The following SV2C variants were observed in gnomAD, a reference collection of about 807,000 sequenced individuals.
The protein encoded by SV2C is solute carrier family 22 member B3.
A neutral mutation model predicts 79.7 loss-of-function variants in SV2C; 49 were observed. The ratio of observed to expected loss-of-function variants is 0.61; its 90% CI spans 0.49 to 0.78. The LOEUF (loss-of-function observed/expected upper bound fraction) is 0.78. Ranked by LOEUF, SV2C falls within the 30% of genes least tolerant of loss-of-function variation. The probability of loss-of-function intolerance (pLI) is 0.00; values close to 1 mark genes in which losing one functional copy is unlikely to be tolerated. For synonymous variants in SV2C, 334 were observed against 333.2 expected (o/e 1.00, Z -0.03); for missense variants, 833 against 912.9 (o/e 0.91, Z 1.13).
chr5:76,221,498 A>G (rs1337475140), intron 4 of SV2C, among the ~76,000 whole-genome samples: 7 of 152,200 alleles, frequency 4.6e-5, no homozygotes. Context: ...AGTAAATCAT[A>G]ATTACCCAAG....
At chr5:76,058,804 CTAAGT>C in the SV2C span, among the ~76,000 whole-genome samples, 10 of 152,020 alleles carry the variant, frequency 6.6e-5, no homozygotes, top group South Asian at 4.1e-4. Flanking sequence ...CTGCTGAATA[CTAAGT>C]TAAGTACATG....
chr5:76,062,869 C>G, the SV2C span, among the ~76,000 whole-genome samples: 1 of 152,150 alleles, frequency 6.6e-6, no homozygotes. Context: ...TACAGCAGTA[C>G]AGAGAATAAA....
chr5:76,342,872 GTC>G (rs200268563), intron 12 of SV2C, among the ~76,000 whole-genome samples: 1 of 148,680 alleles, frequency 6.7e-6, no homozygotes, highest in Non-Finnish European at 1.5e-5. Flanking sequence ...AGAACACATT[GTC>G]TCTCTCTCTC....
At chr5:76,053,223 G>A in the SV2C span, among the ~76,000 whole-genome samples, 2 of 152,112 alleles carry the variant, frequency 1.3e-5, no homozygotes, top group South Asian at 4.2e-4. Flanking sequence ...TGTTCCAAGT[G>A]TCATTTGTCT....
At chr5:76,059,794 A>G in the SV2C span, among the ~76,000 whole-genome samples, 8 of 152,132 alleles carry the variant, frequency 5.3e-5, no homozygotes, top group Non-Finnish European at 1.0e-4. Flanking sequence ...TTTTCAATTT[A>G]CTTTGCCCAG....
the SV2C span, among the ~76,000 whole-genome samples, chr5:75,967,529 G>T: frequency 6.6e-6 from 1 of 152,116 alleles, no homozygotes; most frequent in East Asian, 1.9e-4. Context: ...TTTATATCCC[G>T]CACATGGCTC....
chr5:76,176,727 G>A (rs961083705), intron 2 of SV2C, among the ~76,000 whole-genome samples: 1 of 152,206 alleles, frequency 6.6e-6, no homozygotes, highest in Non-Finnish European at 1.5e-5. Flanking sequence ...GAATTATGGG[G>A]GAAAAGTAGA....
At chr5:75,931,056 C>T in the SV2C span, among the ~76,000 whole-genome samples, 12 of 152,272 alleles carry the variant, frequency 7.9e-5, no homozygotes, top group South Asian at 2.1e-4. Flanking sequence ...ATTGCTTAAA[C>T]CTGGGAGGTG....
chr5:76,181,097 A>AT (rs1743705577), intron 2 of SV2C, among the ~76,000 whole-genome samples: 1 of 75,620 alleles, frequency 1.3e-5, no homozygotes. Flanking sequence ...CCTCTCAGCC[A>AT]TCCCCCTACC....
At chr5:76,164,765 G>C (rs1742999276) in intron 2 of SV2C, among the ~76,000 whole-genome samples, 1 of 85,864 alleles carries the variant, frequency 1.2e-5, no homozygotes, top group South Asian at 4.5e-4. Flanking sequence ...CATATATATA[G>C]ATAGTCATCC....
chr5:76,282,870 G>C (rs930753875), intron 4 of SV2C, among the ~76,000 whole-genome samples: 20 of 152,062 alleles, frequency 1.3e-4, no homozygotes, highest in Admixed American at 2.0e-4. Flanking sequence ...AAACTAGCCA[G>C]GCATGGTGGC....
intron 4 of SV2C, among the ~76,000 whole-genome samples, chr5:76,282,865 A>G (rs1747239711): frequency 6.6e-6 from 1 of 151,962 alleles, no homozygotes; most frequent in South Asian, 2.1e-4. Context: ...CAAAAAAACT[A>G]GCCAGGCATG....
the SV2C span, among the ~76,000 whole-genome samples, chr5:75,998,833 T>A: frequency 6.6e-6 from 1 of 151,464 alleles, no homozygotes; most frequent in East Asian, 1.9e-4. Flanking sequence ...TATCTCTCAC[T>A]CTCTCTCTCT....
chr5:76,192,181 G>A (rs960585173), intron 2 of SV2C, among the ~76,000 whole-genome samples: 1 of 152,170 alleles, frequency 6.6e-6, no homozygotes, highest in Non-Finnish European at 1.5e-5. Context: ...AGCACCCTCA[G>A]ATTCTAAGGT....
intron 4 of SV2C, among the ~76,000 whole-genome samples, chr5:76,266,748 C>T (rs1487429018): frequency 6.7e-6 from 1 of 148,958 alleles, no homozygotes; most frequent in Non-Finnish European, 1.5e-5. Flanking sequence ...GTGCTGGTTA[C>T]ACAACAATGT....
At chr5:76,037,195 C>T in the SV2C span, among the ~76,000 whole-genome samples, 1 of 152,106 alleles carries the variant, frequency 6.6e-6, no homozygotes, top group Non-Finnish European at 1.5e-5. Context: ...TTTGAATGTC[C>T]TCCCATAGCT....
At chr5:76,055,099 C>T in the SV2C span, among the ~76,000 whole-genome samples, 1 of 152,116 alleles carries the variant, frequency 6.6e-6, no homozygotes, top group African/African-American at 2.4e-5. Context: ...ATGGTATTGC[C>T]TAGGTTTTCT....
chr5:76,084,852 G>A (rs1330047014), intron 1 of SV2C, among the ~76,000 whole-genome samples: 2 of 151,902 alleles, frequency 1.3e-5, no homozygotes, highest in African/African-American at 4.8e-5. Context: ...GGCGGCGCGG[G>A]GCGGCGAGGA....
At chr5:75,936,860 G>A in the SV2C span, among the ~76,000 whole-genome samples, 5 of 152,156 alleles carry the variant, frequency 3.3e-5, no homozygotes, top group Admixed American at 2.0e-4. Context: ...TGTGTCAAAT[G>A]TTCGTTACCT....
Sources: allele counts gnomAD v4.1 joint callset (sites outside exome capture counted in the v4.1 genomes callset), GRCh38; gene constraint gnomAD v4.1.1; transcripts MANE v1.5; gene names NCBI Gene and HGNC (gene_info 2026-07-23, HGNC 2026-07-21).